SHPRH: variants seen among roughly 807,000 people sequenced by gnomAD.
The protein encoded by SHPRH is SNF2 histone linker PHD RING helicase, also known as E3 ubiquitin-protein ligase SHPRH.
In SHPRH, 106 loss-of-function variants were observed where a neutral mutation model predicts 202.5. The ratio of observed to expected loss-of-function variants is 0.52; its 90% CI spans 0.45 to 0.62. SHPRH has a LOEUF of 0.62. Ranked by LOEUF, SHPRH falls within the 20% of genes least tolerant of loss-of-function variation. The pLI, the probability that SHPRH is intolerant of heterozygous loss-of-function variation, is 0.00. For synonymous variants in SHPRH, 729 were observed against 686.0 expected, an observed-to-expected ratio of 1.06 and a Z score of -0.98; for missense variants, 1,710 against 2,020.0, an observed-to-expected ratio of 0.85 and a Z score of 2.94.
chr6:145,887,057 C>A (rs529794491), intron 29 of SHPRH, among the ~76,000 whole-genome samples: 1 of 152,200 alleles, frequency 6.6e-6, no homozygotes, highest in African/African-American at 2.4e-5. Flanking sequence ...GCTACTAAGG[C>A]TCTCACCTTA....
intron 29 of SHPRH, 72 bp from the exon 30 acceptor site, chr6:145,886,859 C>T (rs373874084): frequency 4.9e-5 from 71 of 1,460,454 alleles, no homozygotes; most frequent in South Asian, 1.4e-4. Context: ...TGTAGTAATA[C>T]GAACTAGACA....
chr6:145,960,064 A>G (rs1788930708), intron 1 of SHPRH, among the ~76,000 whole-genome samples: 1 of 152,236 alleles, frequency 6.6e-6, no homozygotes, highest in Admixed American at 6.5e-5. Flanking sequence ...ACCTTGATAT[A>G]GCAATCATTT....
At chr6:145,900,229 G>C (rs917911497) in intron 25 of SHPRH, among the ~76,000 whole-genome samples, 9 of 152,068 alleles carry the variant, frequency 5.9e-5, no homozygotes, top group Non-Finnish European at 1.0e-4. Flanking sequence ...ATTATTCATG[G>C]TAGCCAAGAC....
In SHPRH at chr6:145,940,765, G is replaced by A. The variant is rs1458569821; in HGVS notation, c.2527C>T (p.Arg843Ter). ...EMAQRLSGIN[R>*]WCISGTPVQR... ...ACTGGAGTGCCACTGATACACCATC[G>A]ATTAATCCCACTCAAACGCTGGGCC... is the stretch of plus-strand genomic sequence containing the variant. Residue 843 changes from arginine to a stop codon, truncating the protein, a stop_gained, in exon 11 of 30, where the codon CGA becomes TGA. Coordinates refer to ENST00000275233, the MANE Select transcript of SHPRH (RefSeq NM_001042683.3). LOFTEE classifies it high-confidence loss of function. 4 of 1,613,698 alleles carry A rather than the reference G, an allele frequency of 2.5e-6. No individual in the cohort carries two copies. The highest frequency in any genetic ancestry group is 1.7e-6 in the Non-Finnish European group (2 of 1,179,800).
chr6:145,880,571 G>A (rs1391065926), downstream of SHPRH, among the ~76,000 whole-genome samples: 1 of 151,726 alleles, frequency 6.6e-6, no homozygotes, highest in Non-Finnish European at 1.5e-5. Flanking sequence ...TGAGGCTGCA[G>A]TGAGTCATGA....
downstream of SHPRH, chr6:145,884,167 T>C (rs542946654): frequency 8.8e-5 from 12 of 137,060 alleles, no homozygotes; most frequent in South Asian, 3.0e-3. Context: ...TGTAAAGTAT[T>C]AGTAGTTGCA....
intron 2 of SHPRH, among the ~76,000 whole-genome samples, chr6:145,953,265 A>G (rs1171336027): frequency 2.6e-5 from 4 of 152,188 alleles, no homozygotes; most frequent in African/African-American, 9.6e-5. Flanking sequence ...AATGAATGAC[A>G]AAGAGTGTAT....
In SHPRH at chr6:145,935,371, G is replaced by A; in HGVS notation, c.2640C>T (p.Leu880=). The change falls in exon 12 of 30, where the codon CTC becomes CTT. Residue 880 remains leucine, a synonymous_variant. Coordinates refer to ENST00000275233, the MANE Select transcript of SHPRH (RefSeq NM_001042683.3). ...YCVKHWWVRL[L]YRPYCKKNPQ... ...GATTCTTCTTGCAGTAAGGCCGATA[G>A]AGAAGTCGAACCCACCAGTGTTTGA... 1.9e-6 allele frequency: 3 copies of A among 1,614,066 alleles called. No homozygotes were observed. The highest frequency in any genetic ancestry group is 1.1e-5 in the South Asian group (1 of 91,084).
intron 23 of SHPRH, among the ~76,000 whole-genome samples, chr6:145,916,111 T>G (rs1357864037): frequency 6.6e-6 from 1 of 152,104 alleles, no homozygotes; most frequent in African/African-American, 2.4e-5. Flanking sequence ...CCCATCTTTT[T>G]CTGTGTCTGG....
At position 145,919,489 on chromosome 6, in the gene SHPRH, C is replaced by T. The variant is rs754072040; in HGVS notation, c.4011G>A (p.Leu1337=). 5 of 1,611,874 alleles carry T rather than the reference C, an allele frequency of 3.1e-6. No individual in the cohort carries two copies. The highest frequency in any genetic ancestry group is 4.2e-6 in the Non-Finnish European group (5 of 1,178,808). Reference sequence around the variant, plus strand: ...TCAGAGCCATCCAATATTCATGAAGCAACTGAAGGAATAGAAAAGACAAAC... The same window carrying T: ...TCAGAGCCATCCAATATTCATGAAGTAACTGAAGGAATAGAAAAGACAAAC... ...LFEAWKKEYK[L]LHEYWMALRN... The change falls in exon 22 of 30, where the codon TTG becomes TTA. Residue 1337 remains leucine, a splice_region_variant and synonymous_variant. Coordinates refer to ENST00000275233, the MANE Select transcript of SHPRH (RefSeq NM_001042683.3).
At chr6:145,908,090 G>A (rs999788769) in intron 25 of SHPRH, 2 of 152,056 alleles carry the variant, frequency 1.3e-5, no homozygotes, top group African/African-American at 4.8e-5. Flanking sequence ...CAAAGGACAT[G>A]ATCTCATTCC....
At chr6:145,940,371 C>A (rs1363790515) in intron 11 of SHPRH, among the ~76,000 whole-genome samples, 3 of 128,402 alleles carry the variant, frequency 2.3e-5, no homozygotes, top group Admixed American at 8.2e-5. Context: ...CCTCTCCCCA[C>A]CCCCCCCACC....
intron 25 of SHPRH, chr6:145,909,560 T>A (rs1244498739): frequency 6.6e-6 from 1 of 152,158 alleles, no homozygotes; most frequent in Non-Finnish European, 1.5e-5. Flanking sequence ...TAACTACTGG[T>A]AGTGAATTTC....
chr6:145,946,125 C>G, intron 7 of SHPRH, 108 bp downstream of exon 7: 2 of 726,190 alleles, frequency 2.8e-6, no homozygotes, highest in Middle Eastern at 3.1e-4. Flanking sequence ...GCATATATAA[C>G]TGTAAAAACA....
At chr6:145,932,771 CTAAGAT>C (rs1214838859) in intron 14 of SHPRH, among the ~76,000 whole-genome samples, 2 of 152,096 alleles carry the variant, frequency 1.3e-5, no homozygotes, top group Non-Finnish European at 2.9e-5. Context: ...CTATTAAAGT[CTAAGAT>C]TAACAACTTC....
intron 8 of SHPRH, 107 bp downstream of exon 8, chr6:145,945,274 T>TA (rs1330971184): frequency 3.8e-6 from 5 of 1,321,926 alleles, no homozygotes; most frequent in African/African-American, 3.0e-5. Context: ...CCTATTTTTT[T>TA]ATCTTCAGAT....
At chr6:145,861,303 C>G (rs1419606512), downstream of SHPRH, among the ~76,000 whole-genome samples, 1 of 151,860 alleles carries the variant, frequency 6.6e-6, no homozygotes, top group Non-Finnish European at 1.5e-5. Flanking sequence ...CAACATTTAT[C>G]TAAAGAAGAC....
chr6:145,945,112 C>CAAA (rs1787226924), intron 8 of SHPRH, among the ~76,000 whole-genome samples: 1 of 152,036 alleles, frequency 6.6e-6, no homozygotes, highest in South Asian at 2.1e-4. Context: ...TACGCTTAGC[C>CAAA]AACTAGTTTT....
intron 14 of SHPRH, among the ~76,000 whole-genome samples, chr6:145,931,385 C>T (rs1785425970): frequency 6.6e-6 from 1 of 151,988 alleles, no homozygotes; most frequent in Non-Finnish European, 1.5e-5. Flanking sequence ...TGGAGTCCTG[C>T]TCTGTAGCCC....
Sources: allele counts gnomAD v4.1 joint callset (sites outside exome capture counted in the v4.1 genomes callset), GRCh38; gene constraint gnomAD v4.1.1; transcripts MANE v1.5; gene names NCBI Gene and HGNC (gene_info 2026-07-23, HGNC 2026-07-21).